The following RRP1B variants were observed in gnomAD, a reference collection of about 807,000 sequenced individuals.
RRP1B encodes ribosomal RNA processing 1B.
RRP1B carries 56 observed loss-of-function variants against 80.2 expected under a neutral mutation model. The ratio of observed to expected loss-of-function variants is 0.70; its 90% CI spans 0.56 to 0.87. The LOEUF (loss-of-function observed/expected upper bound fraction) is 0.87. Among genes scored for constraint, RRP1B ranks in the 40% least tolerant of loss-of-function variants. The pLI is 0.00. For synonymous variants in RRP1B, 351 were observed against 357.6 expected (o/e 0.98, Z 0.21); for missense variants, 807 against 939.8 (o/e 0.86, Z 1.85).
At chr21:43,669,712 G>A (rs917367331) in intron 1 of RRP1B, among the ~76,000 whole-genome samples, 172 bp from the exon 2 acceptor site, 1 of 151,980 alleles carries the variant, frequency 6.6e-6, no homozygotes, top group African/African-American at 2.4e-5. Flanking sequence ...TGCAGGTACA[G>A]TAGTAATTTA....
chr21:43,662,944 G>C (rs1307083563), intron 1 of RRP1B, among the ~76,000 whole-genome samples: 2 of 152,172 alleles, frequency 1.3e-5, no homozygotes, highest in Non-Finnish European at 2.9e-5. Flanking sequence ...AATTTCATTT[G>C]TATCATTGCT....
chr21:43,677,731 CTTTTA>C (rs1173098306), intron 8 of RRP1B, among the ~76,000 whole-genome samples: 1 of 152,090 alleles, frequency 6.6e-6, no homozygotes. Context: ...TTTATTTGTG[CTTTTA>C]TTTTAAGTGA....
intron 2 of RRP1B, among the ~76,000 whole-genome samples, chr21:43,670,905 C>G (rs912918383): frequency 2.6e-5 from 4 of 152,098 alleles, no homozygotes; most frequent in African/African-American, 9.7e-5. Flanking sequence ...TCCCGTGCTG[C>G]GTAATAACTT....
Position 43,676,774 on chromosome 21 carries a change from C to T in RRP1B, c.656C>T (p.Ala219Val). 6.2e-7 allele frequency: 1 copy of T among 1,614,252 alleles called. No homozygotes were observed. The highest frequency in any genetic ancestry group is 2.2e-5 in the East Asian group (1 of 44,888). The change falls in exon 8 of 16, where the codon GCT (alanine) becomes GTT (valine). Residue 219 changes from alanine to valine, a missense_variant. Transcript: ENST00000340648. Reference sequence around the variant, plus strand: ...ACCATAGCTCGGGGTGTCTTCGAAGCTATCGTAGATCAGTCTCCTTTTGTG... The same window carrying T: ...ACCATAGCTCGGGGTGTCTTCGAAGTTATCGTAGATCAGTCTCCTTTTGTG... ...VQTIARGVFE[A>V]IVDQSPFVPE...
chr21:43,686,665 C>G (rs2147174692), intron 11 of RRP1B, 139 bp from the exon 12 acceptor site: 1 of 922,012 alleles, frequency 1.1e-6, no homozygotes, highest in East Asian at 2.6e-5. Flanking sequence ...CCTGTGTCAG[C>G]AGCGCTCAGG....
intron 2 of RRP1B, among the ~76,000 whole-genome samples, chr21:43,671,918 C>T (rs1225890306): frequency 2.0e-5 from 3 of 152,082 alleles, no homozygotes; most frequent in Non-Finnish European, 2.9e-5. Flanking sequence ...AACTCCTGAC[C>T]TCAGGTGATC....
Position 43,674,707 on chromosome 21 carries a change from C to A in RRP1B, c.419+10C>A, listed in dbSNP as rs1416414617. The stretch of plus-strand genomic sequence containing the variant: ...ATGGCTGGGAAGAAAGGTCAGTAAA[C>A]CATTTGAGTTAGCATGTGGTAGCCT... On this transcript the variant is annotated intron_variant, in intron 5 of 15. Transcript: ENST00000340648. 2.5e-6 allele frequency: 4 copies of A among 1,584,828 alleles called. No individual in the cohort carries two copies. Among genetic ancestry groups the A allele is most frequent in the Non-Finnish European group, 3.4e-6 (4 of 1,165,674 alleles).
At chr21:43,662,425 C>T (rs751495701) in intron 1 of RRP1B, among the ~76,000 whole-genome samples, 7 of 152,210 alleles carry the variant, frequency 4.6e-5, no homozygotes, top group Non-Finnish European at 1.0e-4. Context: ...AGGTCTCCAC[C>T]ACAGCTATGC....
chr21:43,688,701 G>C (rs968115563), intron 13 of RRP1B, among the ~76,000 whole-genome samples: 3 of 152,000 alleles, frequency 2.0e-5, no homozygotes, highest in African/African-American at 7.2e-5. Context: ...CTACCCCCCA[G>C]CTCAAGAAAC....
intron 1 of RRP1B, among the ~76,000 whole-genome samples, chr21:43,668,767 A>G (rs2082988467): frequency 6.6e-6 from 1 of 152,170 alleles, no homozygotes. Context: ...TGTTGCTCCA[A>G]AAGATTTCTC....
At chr21:43,669,570 C>T (rs59920822) in intron 1 of RRP1B, among the ~76,000 whole-genome samples, 2,240 of 152,124 alleles carry the variant, frequency 0.015, 57 homozygotes, top group African/African-American at 0.05. Context: ...ACGTGGTGGG[C>T]GGGGAGGGCG....
intron 3 of RRP1B, 45 bp from the exon 4 acceptor site, chr21:43,673,825 T>C (rs768042063): frequency 8.1e-7 from 1 of 1,229,120 alleles, no homozygotes; most frequent in Non-Finnish European, 1.2e-6. Context: ...TATGGTAGTA[T>C]GTTGATGTGG....
chr21:43,670,044 A>G, intron 2 of RRP1B, 78 bp downstream of exon 2: 1 of 1,034,834 alleles, frequency 9.7e-7, no homozygotes, highest in Non-Finnish European at 1.4e-6. Context: ...ATGCTGTGCC[A>G]GTCCCCCGAT....
chr21:43,672,670 A>G (rs968769642), intron 3 of RRP1B, among the ~76,000 whole-genome samples: 5 of 152,226 alleles, frequency 3.3e-5, no homozygotes, highest in African/African-American at 1.2e-4. Flanking sequence ...TCTGGATGCC[A>G]GGTTCGTCTT....
At position 43,672,332 on chromosome 21, in the gene RRP1B, C is replaced by T. The variant is rs1568955928; in HGVS notation, c.238C>T (p.Gln80Ter). ...LQEELANTIA[Q>*]LVHAVNNSAA... ...GGAAGAGCTCGCCAACACCATTGCA[C>T]AGCTAGTCCATGCTGTTAACAACTC... The change falls in exon 3 of 16, where the codon CAG becomes TAG. Residue 80 changes from glutamine (Q) to a stop codon, truncating the protein, a stop_gained. Transcript: ENST00000340648. LOFTEE classifies it high-confidence loss of function. 2 of 1,614,150 alleles carry T rather than the reference C, an allele frequency of 1.2e-6. No individual in the cohort carries two copies.
chr21:43,676,239 C>T lies in RRP1B; in HGVS notation c.550-33C>T, dbSNP rs372782058. On this transcript the variant is annotated intron_variant, in intron 6 of 15. Coordinates refer to ENST00000340648, the MANE Select transcript of RRP1B (RefSeq NM_015056.3). The stretch of plus-strand genomic sequence containing the variant: ...AGGACATGTCAAGAAGGGAAAGGCT[C>T]TTTCTCAATTTTTCCCTTTTTCTAA... 4 of 1,505,210 alleles carry T rather than the reference C, an allele frequency of 2.7e-6. No individual in the cohort carries two copies. In the African/African-American group the frequency reaches 5.5e-5, roughly 21 times the overall value. The allele number at this position is 1,505,210 out of a possible 1,614,324, so 93.2% of individuals were successfully genotyped here. A position where few individuals can be genotyped will look rare whatever the true frequency, so the allele number is the denominator to read the frequency against.
At chr21:43,686,085 C>T in intron 11 of RRP1B, 1 of 247,638 alleles carries the variant, frequency 4.0e-6, no homozygotes, top group Admixed American at 5.2e-5. Flanking sequence ...CACACCACTG[C>T]ACTCCAGCCT....
At chr21:43,666,738 T>C (rs563956026) in intron 1 of RRP1B, among the ~76,000 whole-genome samples, 2 of 152,068 alleles carry the variant, frequency 1.3e-5, no homozygotes, top group South Asian at 4.2e-4. Context: ...AAAAAAATCC[T>C]TAATAGCATG....
In RRP1B at chr21:43,688,256, C is replaced by G; in HGVS notation, c.1866+16C>G. On this transcript the variant is annotated intron_variant, in intron 13 of 15. Coordinates refer to ENST00000340648, the MANE Select transcript of RRP1B (RefSeq NM_015056.3). ...CCAGGCTCTGGTAAGGTGGGAGCACCCACAGGCCAGCTCGCCACAGAGGCA... is the reference window on the plus strand; with the variant it reads ...CCAGGCTCTGGTAAGGTGGGAGCACGCACAGGCCAGCTCGCCACAGAGGCA... 6.6e-7 allele frequency: 1 copy of G among 1,514,310 alleles called. No homozygotes were observed. The highest frequency in any genetic ancestry group is 2.4e-5 in the East Asian group (1 of 41,478). The allele number at this position is 1,514,310 out of a possible 1,614,324, so 93.8% of individuals were successfully genotyped here.
Sources: gnomAD v4.1 joint callset for allele counts (sites outside exome capture counted in the v4.1 genomes callset) on GRCh38, gnomAD v4.1.1 for gene constraint, MANE v1.5 for transcripts, NCBI Gene and HGNC (gene_info 2026-07-23, HGNC 2026-07-21) for gene names.